Variants in CHD9 observed in about 807,000 individuals in gnomAD.
CHD9 encodes chromodomain helicase DNA binding protein 9.
In CHD9, 77 loss-of-function variants were observed where a neutral mutation model predicts 316.1. The ratio of observed to expected loss-of-function variants is 0.24; its 90% CI spans 0.20 to 0.29. CHD9 has a LOEUF of 0.29. CHD9 is among the 10% of genes least tolerant of loss of function. CHD9 has a pLI of 1.00. For missense variants in CHD9, 2,763 were observed against 3,438.1 expected (o/e 0.80, Z 4.91); for synonymous variants, 1,129 against 1,158.3 (o/e 0.97, Z 0.51).
chr16:53,108,078 T>A (rs2037511089), intron 1 of CHD9, among the ~76,000 whole-genome samples: 1 of 152,204 alleles, frequency 6.6e-6, no homozygotes, highest in South Asian at 2.1e-4. Context: ...AGTCATAAAC[T>A]TTCCTTGTGG....
intron 1 of CHD9, among the ~76,000 whole-genome samples, chr16:53,153,326 A>G (rs1434416380): frequency 6.6e-6 from 1 of 152,202 alleles, no homozygotes; most frequent in Non-Finnish European, 1.5e-5. Context: ...GCTTGTTTGT[A>G]TACAGATGAG....
rs1189403557 is a variant in CHD9, at chr16:53,209,521, A to C, written c.1492A>C (p.Thr498Pro). 1.2e-6 allele frequency: 2 copies of C among 1,613,722 alleles called. No individual in the cohort carries two copies. Among genetic ancestry groups the C allele is most frequent in the Middle Eastern group, 3.3e-4 (2 of 6,062 alleles). The stretch of plus-strand genomic sequence containing the variant: ...GAAGAGCGATGGTTCTGGGACATAT[A>C]CTAAGTTGCAGAATACCCAGGTGAG... ...SKKSDGSGTY[T>P]KLQNTQVRVM... Residue 498 changes from threonine to proline, a missense_variant, in exon 3 of 39, where the codon ACT becomes CCT. Physicochemically the swap from Thr to Pro is conservative, Grantham distance 38. This residue lies in a region of CHD9 where 859 missense variants were observed against 890.4 expected (regional missense o/e 0.96). Coordinates refer to ENST00000447540, the MANE Select transcript of CHD9 (RefSeq NM_001308319.2).
At chr16:53,201,575 T>G (rs1420764468) in intron 2 of CHD9, among the ~76,000 whole-genome samples, 1 of 152,218 alleles carries the variant, frequency 6.6e-6, no homozygotes, top group Non-Finnish European at 1.5e-5. Context: ...CTCCTTTGCT[T>G]GTCATGCCAA....
chr16:53,085,223 A>G (rs1027208396), intron 1 of CHD9, among the ~76,000 whole-genome samples: 1 of 150,992 alleles, frequency 6.6e-6, no homozygotes, highest in Non-Finnish European at 1.5e-5. Flanking sequence ...GCTGCCTTTG[A>G]TCATCTTTTT....
At chr16:53,230,792 C>T (rs1280159978) in intron 8 of CHD9, among the ~76,000 whole-genome samples, 3 of 152,054 alleles carry the variant, frequency 2.0e-5, no homozygotes, top group Non-Finnish European at 4.4e-5. Flanking sequence ...AGGAACCAAT[C>T]TCAGAGTTAA....
At chr16:53,185,880 A>G (rs1256865843) in intron 2 of CHD9, among the ~76,000 whole-genome samples, 1 of 152,202 alleles carries the variant, frequency 6.6e-6, no homozygotes, top group Non-Finnish European at 1.5e-5. Flanking sequence ...TCAAGAATTG[A>G]GGTTTGGGAA....
At chr16:53,171,830 CCACACACACACACACA>C (rs71380026) in intron 2 of CHD9, among the ~76,000 whole-genome samples, 3 of 135,544 alleles carry the variant, frequency 2.2e-5, no homozygotes, top group African/African-American at 8.4e-5. Context: ...ACAAACAAAA[CCACACACACACACACA>C]CACACACACA....
At chr16:53,210,868 G>A (rs936108967) in intron 3 of CHD9, among the ~76,000 whole-genome samples, 6 of 151,884 alleles carry the variant, frequency 4.0e-5, no homozygotes, top group African/African-American at 1.5e-4. Flanking sequence ...AATAATATGG[G>A]CTCTCTTGTT....
intron 1 of CHD9, among the ~76,000 whole-genome samples, chr16:53,092,646 C>A (rs1410144783): frequency 3.9e-5 from 6 of 152,232 alleles, no homozygotes; most frequent in African/African-American, 1.4e-4. Context: ...CCCCTACCCA[C>A]CCTAAATCCC....
intron 24 of CHD9, among the ~76,000 whole-genome samples, chr16:53,276,889 T>C (rs1484894876): frequency 2.0e-5 from 3 of 151,944 alleles, no homozygotes; most frequent in Non-Finnish European, 4.4e-5. Flanking sequence ...AGAGAGAAAA[T>C]CCAAATCAGC....
Position 53,304,134 on chromosome 16 carries a change from A to G in CHD9, c.6128A>G (p.Glu2043Gly). 1 of 1,613,274 alleles carries G rather than the reference A, an allele frequency of 6.2e-7. No homozygotes were observed. Among genetic ancestry groups the G allele is most frequent in the Non-Finnish European group, 8.5e-7 (1 of 1,179,736 alleles). The stretch of plus-strand genomic sequence containing the variant: ...CTAGATGCTAAAGGTATTATTCTAG[A>G]GGAGATGAAAGTTAAAAGTGAAAAC... ...RLLDAKGIIL[E>G]EMKVKSENLK... Residue 2043 changes from glutamate (E) to glycine (G), a missense_variant, in exon 31 of 39, where the codon GAG becomes GGG. By Grantham distance (98) the Glu-to-Gly change is moderately conservative. Coordinates refer to ENST00000447540, the MANE Select transcript of CHD9 (RefSeq NM_001308319.2).
At chr16:53,082,388 C>T (rs916812155) in intron 1 of CHD9, among the ~76,000 whole-genome samples, 10 of 152,138 alleles carry the variant, frequency 6.6e-5, no homozygotes, top group African/African-American at 2.4e-4. Flanking sequence ...CAGGCCTTTG[C>T]CGCCACACCC....
At chr16:53,201,966 C>T (rs2045497016) in intron 2 of CHD9, among the ~76,000 whole-genome samples, 1 of 151,898 alleles carries the variant, frequency 6.6e-6, no homozygotes, top group Admixed American at 6.6e-5. Flanking sequence ...TCAAGTAATC[C>T]TCCCACCTCA....
intron 3 of CHD9, 144 bp downstream of exon 3, chr16:53,209,957 G>T: frequency 1.6e-6 from 1 of 616,390 alleles, no homozygotes. Flanking sequence ...TTATTTCATT[G>T]CCGAATGAAT....
intron 1 of CHD9, among the ~76,000 whole-genome samples, chr16:53,116,551 G>A (rs113501341): frequency 5.9e-5 from 9 of 152,288 alleles, no homozygotes; most frequent in African/African-American, 1.9e-4. Context: ...TCAAAATGGC[G>A]ATTGTTAAAA....
At chr16:53,246,288 T>C (rs1374567570) in intron 15 of CHD9, among the ~76,000 whole-genome samples, 1 of 152,216 alleles carries the variant, frequency 6.6e-6, no homozygotes, top group Non-Finnish European at 1.5e-5. Context: ...GTTTTTCACT[T>C]ATTCTTGGGA....
chr16:53,148,778 A>G (rs1424064067), intron 1 of CHD9, among the ~76,000 whole-genome samples: 1 of 152,106 alleles, frequency 6.6e-6, no homozygotes, highest in Non-Finnish European at 1.5e-5. Flanking sequence ...ACTTTCTTGC[A>G]TTCTGTTGGT....
chr16:53,293,639 G>C (rs1386084159), intron 29 of CHD9, among the ~76,000 whole-genome samples: 1 of 150,536 alleles, frequency 6.6e-6, no homozygotes, highest in East Asian at 2.0e-4. Context: ...AAAAGTGAAG[G>C]CATAGAGCAA....
chr16:53,316,871 A>G (rs945243436), intron 36 of CHD9, among the ~76,000 whole-genome samples: 1 of 152,194 alleles, frequency 6.6e-6, no homozygotes, highest in African/African-American at 2.4e-5. Flanking sequence ...GACCAGGTTA[A>G]CACAAGAAGA....
Sources: gnomAD v4.1 joint callset for allele counts (sites outside exome capture counted in the v4.1 genomes callset) on GRCh38, gnomAD v4.1.1 for gene constraint, gnomAD v4.1.1 regional missense constraint, MANE v1.5 for transcripts, NCBI Gene and HGNC (gene_info 2026-07-23, HGNC 2026-07-21) for gene names.